Variants in GET4 observed in about 807,000 individuals in gnomAD.
GET4 encodes Golgi to ER traffic protein 4 homolog.
In GET4, 20 loss-of-function variants were observed where a neutral mutation model predicts 40.0. The ratio of observed to expected loss-of-function variants is 0.50; its 90% CI spans 0.35 to 0.73. The LOEUF (loss-of-function observed/expected upper bound fraction) is 0.73. Among genes scored for constraint, GET4 ranks in the 30% least tolerant of loss-of-function variants. The probability of loss-of-function intolerance (pLI) is 0.01; values close to 1 mark genes in which losing one functional copy is unlikely to be tolerated. For synonymous variants in GET4, 280 were observed against 194.6 expected, an observed-to-expected ratio of 1.44 and a Z score of -3.65; for missense variants, 557 against 454.0, an observed-to-expected ratio of 1.23 and a Z score of -2.06.
chr7:890,859 C>G (rs997026964), intron 4 of GET4, 69 bp from the exon 5 acceptor site: 74 of 1,259,562 alleles, frequency 5.9e-5, no homozygotes, highest in Middle Eastern at 1.8e-4. Context: ...CATGGAGTGT[C>G]TTTCCCCCTT....
intron 1 of GET4, chr7:881,453 AC>A (rs759865404): frequency 4.6e-5 from 7 of 152,242 alleles, no homozygotes; most frequent in Non-Finnish European, 8.8e-5. Context: ...TTTCTGTCTA[AC>A]CGCTTGAATT....
chr7:891,740 C>T lies in GET4; in HGVS notation c.606-538C>T, dbSNP rs180698276. 1.5e-3 allele frequency among the ~76,000 whole-genome samples: 234 copies of T among 152,392 alleles called. 1 individual carries two copies. The highest frequency in any genetic ancestry group is 5.1e-3 in the African/African-American group (213 of 41,594). On this transcript the variant is annotated intron_variant, in intron 5 of 8. Coordinates refer to ENST00000265857, the MANE Select transcript of GET4 (RefSeq NM_015949.3). ...CCTCTGACCTCAGCGTTGCCCGCTGCGGAGCTTTGCCAGGAGCTGGCGTCC... is the reference window on the plus strand; with the variant it reads ...CCTCTGACCTCAGCGTTGCCCGCTGTGGAGCTTTGCCAGGAGCTGGCGTCC...
At chr7:894,942 G>T (rs547099684) in intron 8 of GET4, among the ~76,000 whole-genome samples, 1 of 152,306 alleles carries the variant, frequency 6.6e-6, no homozygotes, top group South Asian at 2.1e-4. Flanking sequence ...GTAGGGCGCA[G>T]TGTGCTCTAC....
chr7:887,159 C>A (rs1291327967), intron 3 of GET4: 1 of 716,362 alleles, frequency 1.4e-6, no homozygotes, highest in Admixed American at 2.0e-5. Flanking sequence ...CCAGGGCGTC[C>A]GTCCTTCCTT....
At chr7:877,980 C>T (rs564943917) in intron 1 of GET4, 1 of 203,280 alleles carries the variant, frequency 4.9e-6, no homozygotes, top group South Asian at 7.1e-5. Context: ...TCCTCCTGGC[C>T]TTCAGGTTCT....
intron 3 of GET4, 142 bp from the exon 4 acceptor site, chr7:887,228 G>T: frequency 1.2e-6 from 1 of 860,308 alleles, no homozygotes; most frequent in Non-Finnish European, 2.0e-6. Context: ...CAGTGTGGTG[G>T]TCCACGGCTC....
chr7:884,105 C>G, intron 1 of GET4: 1 of 1,198,854 alleles, frequency 8.3e-7, no homozygotes, highest in Non-Finnish European at 1.1e-6. Context: ...CTTCTGGTTT[C>G]TAAGTCGCCA....
intron 4 of GET4, among the ~76,000 whole-genome samples, chr7:888,064 C>T (rs1338222993): frequency 6.6e-6 from 1 of 152,200 alleles, no homozygotes; most frequent in Non-Finnish European, 1.5e-5. Flanking sequence ...CTCCCCAGGG[C>T]ATTCCCTGGG....
Position 893,831 on chromosome 7 carries a change from T to C in GET4, c.822+16T>C. ...GTACAACGAGGTGAGAGCTTGGGGC[T>C]GGGGAGGGAGGAGGGGACCCCACGG... is the stretch of plus-strand genomic sequence containing the variant. On this transcript the variant is annotated intron_variant, in intron 7 of 8. Transcript: ENST00000265857. 2 of 1,608,966 alleles carry C rather than the reference T, an allele frequency of 1.2e-6. No individual in the cohort carries two copies. The highest frequency in any genetic ancestry group is 1.7e-6 in the Non-Finnish European group (2 of 1,175,904).
chr7:892,280 T>G lies in GET4; in HGVS notation c.608T>G (p.Phe203Cys). 5.7e-6 allele frequency: 9 copies of G among 1,586,858 alleles called. No individual in the cohort carries two copies. The highest frequency in any genetic ancestry group is 6.9e-6 in the Non-Finnish European group (8 of 1,156,942). The change falls in exon 6 of 9, where the codon TTT (phenylalanine) becomes TGT (cysteine). Residue 203 changes from phenylalanine to cysteine, a missense_variant and splice_region_variant. Transcript: ENST00000265857. ...CACCAGCATGTTCTCATTTCCAGGT[T>G]TCTCTGTTTAAAAAACAAAAGTAGC... The part of the protein sequence containing the change: ...DMFVAQAVLQ[F>C]LCLKNKSSAS...
rs771672922 is a variant in GET4 at position 892,256 on chromosome 7, A to C, written c.606-22A>C. 3.2e-6 allele frequency: 5 copies of C among 1,583,742 alleles called. No individual in the cohort carries two copies. In the South Asian group the frequency reaches 4.4e-5, roughly 14 times the overall value. Reference sequence around the variant, plus strand: ...AGCTGTGTCCTCCAGCCCTTCCACCACCAGCATGTTCTCATTTCCAGGTTT... The same window carrying C: ...AGCTGTGTCCTCCAGCCCTTCCACCCCCAGCATGTTCTCATTTCCAGGTTT... On this transcript the variant is annotated intron_variant, in intron 5 of 8. Transcript: ENST00000265857.
rs113899963 is a variant in GET4 at position 889,853 on chromosome 7, T to C, written c.467-1075T>C. On this transcript the variant is annotated intron_variant, in intron 4 of 8. Transcript: ENST00000265857. ...GAGTGGAGGGAGCGCGAGCGGGTGT[T>C]AGGACGGGGTCTGGGAGTGGAGGGA... Among the ~76,000 whole-genome samples, 32 of 6,770 alleles carry C rather than the reference T, an allele frequency of 4.7e-3. 4 individuals are homozygous for C. Among genetic ancestry groups the C allele is most frequent in the East Asian group, 0.017 (1 of 60 alleles). 4.4% of individuals were successfully genotyped at this position (6,770 alleles called of 152,430 possible).
chr7:884,737 C>T, intron 1 of GET4: 1 of 165,532 alleles, frequency 6.0e-6, no homozygotes, highest in Non-Finnish European at 1.3e-5. Flanking sequence ...TCATTCTGGT[C>T]CTCAGTGGCG....
rs552308884 is a variant in GET4, at chr7:886,286, C to G, written c.234+152C>G. The G allele has an allele frequency of 1.4e-4, 89 of 627,316 alleles. No individual in the cohort carries two copies. In the East Asian group the frequency reaches 2.4e-3, roughly 17 times the overall value. The allele number at this position is 627,316 out of a possible 1,614,324, so 38.9% of individuals were successfully genotyped here. On this transcript the variant is annotated intron_variant, in intron 2 of 8. Coordinates refer to ENST00000265857, the MANE Select transcript of GET4 (RefSeq NM_015949.3). ...GGTGGCAGAGGGGCCCAGAGTCCCC[C>G]CTGGCTTGGCTGCTCCACTCTCAAG...
chr7:881,996 G>A (rs531458360), intron 1 of GET4: 1 of 152,352 alleles, frequency 6.6e-6, no homozygotes, highest in Admixed American at 6.5e-5. Flanking sequence ...TTCCTGCAAA[G>A]GGCATGATCT....
At chr7:886,689 C>T (rs367973845) in intron 3 of GET4, 39 bp downstream of exon 3, 48 of 1,362,394 alleles carry the variant, frequency 3.5e-5, no homozygotes, top group African/African-American at 1.4e-5. Context: ...CCTGTGACAG[C>T]GGCCCCAGTA....
In GET4 at chr7:876,797, TC is replaced by T; in HGVS notation, c.153del (p.Phe51LeufsTer64). Reference sequence around the variant, plus strand: ...CACCAGATGTACCGGACCCTGTTCTTCAGGTACCCGCGCCCGGCCCTCGCCG... The same window carrying T: ...CACCAGATGTACCGGACCCTGTTCTTAGGTACCCGCGCCCGGCCCTCGCCG... ...EAHQMYRTLF[F>X]RYMSQSKHTE... On this transcript the variant is annotated frameshift_variant and splice_region_variant, in exon 1 of 9. Transcript: ENST00000265857. LOFTEE classifies it high-confidence loss of function. 8.2e-7 allele frequency: 1 copy of T among 1,223,702 alleles called. No homozygotes were observed. The highest frequency in any genetic ancestry group is 1.0e-6 in the Non-Finnish European group (1 of 967,408). 75.8% of individuals were successfully genotyped at this position (1,223,702 alleles called of 1,614,324 possible). A position where few individuals can be genotyped will look rare whatever the true frequency, so the allele number is the denominator to read the frequency against.
At chr7:879,291 C>T (rs577088806) in intron 1 of GET4, among the ~76,000 whole-genome samples, 11 of 152,358 alleles carry the variant, frequency 7.2e-5, no homozygotes, top group Admixed American at 6.5e-4. Flanking sequence ...CGGCACGCCG[C>T]GGTGCCACGT....
At chr7:887,120 C>T (rs778038895) in intron 3 of GET4, 1 of 664,514 alleles carries the variant, frequency 1.5e-6, no homozygotes, top group East Asian at 3.1e-5. Flanking sequence ...TCCAGCTCCC[C>T]ACGGCACCTT....
Sources: allele counts gnomAD v4.1 joint callset (sites outside exome capture counted in the v4.1 genomes callset), GRCh38; gene constraint gnomAD v4.1.1; transcripts MANE v1.5; gene names NCBI Gene and HGNC (gene_info 2026-07-23, HGNC 2026-07-21).